DPYD: variants seen among roughly 807,000 people sequenced by gnomAD.
DPYD encodes dihydropyrimidine dehydrogenase [NADP(+)].
DPYD carries 109 observed loss-of-function variants against 116.2 expected under a neutral mutation model. The ratio of observed to expected loss-of-function variants is 0.94; its 90% confidence interval spans 0.80 to 1.10. DPYD has a LOEUF of 1.10. Among genes scored for constraint, DPYD ranks in the 50% least tolerant of loss-of-function variants. The pLI, the probability that DPYD is intolerant of heterozygous loss-of-function variation, is 0.00. For missense variants in DPYD, 1,302 were observed against 1,254.5 expected (o/e 1.04, Z -0.57); for synonymous variants, 440 against 432.0 (o/e 1.02, Z -0.23).
At chr1:97,797,897 A>C (rs1224062162) in intron 3 of DPYD, 1 of 152,080 alleles carries the variant, frequency 6.6e-6, no homozygotes, top group Non-Finnish European at 1.5e-5. Context: ...TCTGATGAGT[A>C]ATATTTTCTT....
At chr1:97,654,481 A>C (rs888797985) in intron 8 of DPYD, among the ~76,000 whole-genome samples, 2 of 152,178 alleles carry the variant, frequency 1.3e-5, no homozygotes, top group African/African-American at 4.8e-5. Flanking sequence ...TAATATTCAT[A>C]AAAGTTCAGG....
chr1:97,549,753 AC>A lies in DPYD; in HGVS notation c.1340-10del. On this transcript the variant is annotated splice_polypyrimidine_tract_variant and intron_variant, in intron 11 of 22. Coordinates refer to ENST00000370192, the MANE Select transcript of DPYD (RefSeq NM_000110.4). ...GCTCAAGGCTTCTTTTACTGAAAAA[AC>A]AAGTGAAAAACAATAGACAATCACT... 6.2e-7 allele frequency: 1 copy of A among 1,612,414 alleles called. No individual in the cohort carries two copies. The highest frequency in any genetic ancestry group is 8.5e-7 in the Non-Finnish European group (1 of 1,178,914).
intron 13 of DPYD, among the ~76,000 whole-genome samples, chr1:97,477,842 G>C (rs558180923): frequency 3.3e-5 from 5 of 151,784 alleles, no homozygotes; most frequent in African/African-American, 1.2e-4. Context: ...GGATGGTCTC[G>C]ATCTCCTGAC....
intron 4 of DPYD, among the ~76,000 whole-genome samples, chr1:97,735,068 G>GA (rs988614615): frequency 1.3e-5 from 2 of 151,650 alleles, no homozygotes; most frequent in Admixed American, 1.3e-4. Context: ...TTGGTGACTC[G>GA]AAAAAAAACA....
At chr1:97,254,223 T>C (rs1465468078) in intron 18 of DPYD, among the ~76,000 whole-genome samples, 1 of 152,148 alleles carries the variant, frequency 6.6e-6, no homozygotes, top group Non-Finnish European at 1.5e-5. Flanking sequence ...CTTCAATAAG[T>C]TGATATTTGT....
At chr1:97,635,067 C>T (rs1168859775) in intron 8 of DPYD, among the ~76,000 whole-genome samples, 2 of 151,798 alleles carry the variant, frequency 1.3e-5, no homozygotes, top group African/African-American at 4.8e-5. Flanking sequence ...CACAGAGGTG[C>T]CATTGAGAGT....
rs545388653 is a variant in DPYD at position 97,376,150 on chromosome 1, G to A, written c.1975-2506C>T. The stretch of plus-strand genomic sequence containing the variant: ...TAAAACTGAGACATAAAGAGTTCAA[G>A]TGATTTATCCAACATCCCACAGCTT... On this transcript the variant is annotated intron_variant, in intron 15 of 22. Transcript: ENST00000370192. Among the ~76,000 whole-genome samples the A allele has an allele frequency of 8.5e-5, 13 of 152,246 alleles. No individual in the cohort carries two copies. The South Asian group carries it at 2.5e-3, about 29-fold the overall frequency.
At chr1:97,870,560 C>A (rs1287227967) in intron 2 of DPYD, among the ~76,000 whole-genome samples, 3 of 151,660 alleles carry the variant, frequency 2.0e-5, no homozygotes, top group East Asian at 1.9e-4. Flanking sequence ...GTAGTACATG[C>A]AATATTAATG....
In DPYD at chr1:97,251,837, T is replaced by A. The variant is rs76607968; in HGVS notation, c.2300-16843A>T. On this transcript the variant is annotated intron_variant, in intron 18 of 22. Coordinates refer to ENST00000370192, the MANE Select transcript of DPYD (RefSeq NM_000110.4). ...TCTATTTAGAAAGGCACAGCTTCAA[T>A]GAACCAAAGAAGCAGTTTGGCCCTT... 7.9e-3 allele frequency among the ~76,000 whole-genome samples: 1,204 copies of A among 152,248 alleles called. 20 individuals carry two copies. Among genetic ancestry groups the A allele is most frequent in the African/African-American group, 0.027 (1,122 of 41,546 alleles).
At chr1:97,202,141 C>T (rs578088242) in intron 19 of DPYD, among the ~76,000 whole-genome samples, 73 of 152,118 alleles carry the variant, frequency 4.8e-4, no homozygotes, top group African/African-American at 1.4e-3. Context: ...CGAATAGCCC[C>T]GGAGATGTTG....
rs933250056 is a variant in DPYD at position 97,144,735 on chromosome 1, G to T, written c.2623-46103C>A. ...TATTCAGAGTCACATGCTGTGCTTTGTGCTTTTGGTTGATCAGAAAAGCAG... is the reference window on the plus strand; with the variant it reads ...TATTCAGAGTCACATGCTGTGCTTTTTGCTTTTGGTTGATCAGAAAAGCAG... On this transcript the variant is annotated intron_variant, in intron 20 of 22. Transcript: ENST00000370192. 1.1e-3 allele frequency among the ~76,000 whole-genome samples: 172 copies of T among 152,236 alleles called. 4 individuals carry two copies. Among genetic ancestry groups the T allele is most frequent in the Non-Finnish European group, 8.8e-5 (6 of 68,022 alleles).
chr1:97,409,675 C>A (rs1673865502), intron 14 of DPYD, among the ~76,000 whole-genome samples: 1 of 152,158 alleles, frequency 6.6e-6, no homozygotes, highest in African/African-American at 2.4e-5. Context: ...TGCATACCCT[C>A]CCACTTGAGA....
intron 13 of DPYD, chr1:97,514,283 T>G (rs1398341662): frequency 1.0e-6 from 1 of 961,460 alleles, no homozygotes; most frequent in Non-Finnish European, 1.2e-6. Context: ...GACTGATGTC[T>G]CTGATTAATC....
intron 20 of DPYD, among the ~76,000 whole-genome samples, chr1:97,143,450 A>T (rs1195708338): frequency 2.0e-5 from 3 of 152,150 alleles, no homozygotes; most frequent in Non-Finnish European, 4.4e-5. Flanking sequence ...GCTGATTGAG[A>T]TATCGAAACC....
At chr1:97,553,846 G>T (rs1651496843) in intron 11 of DPYD, among the ~76,000 whole-genome samples, 1 of 152,018 alleles carries the variant, frequency 6.6e-6, no homozygotes, top group Non-Finnish European at 1.5e-5. Flanking sequence ...ATATTATTCT[G>T]CAATTGGAAG....
chr1:97,110,857 C>G (rs1266013042), intron 20 of DPYD, among the ~76,000 whole-genome samples: 1 of 151,844 alleles, frequency 6.6e-6, no homozygotes, highest in African/African-American at 2.4e-5. Context: ...CTTAGTTGAC[C>G]CTTCTTTCTT....
chr1:97,193,142 T>G lies in DPYD; in HGVS notation c.2549A>C (p.Asp850Ala). 1 of 1,614,056 alleles carries G rather than the reference T, an allele frequency of 6.2e-7. No homozygotes were observed. The highest frequency in any genetic ancestry group is 8.5e-7 in the Non-Finnish European group (1 of 1,179,954). The change falls in exon 20 of 23, where the codon GAT becomes GCT. Residue 850 changes from aspartate to alanine, a missense_variant. Transcript: ENST00000370192. ...LKSIEELQDW[D>A]GQSPATVSHQ... ...ACTCACAGTAGCTGGACTCTGTCCA[T>G]CCCAGTCTTGTAGTTCTTCAATGCT...
chr1:97,656,904 A>G (rs576314647), intron 8 of DPYD, among the ~76,000 whole-genome samples: 104 of 151,924 alleles, frequency 6.8e-4, no homozygotes, highest in African/African-American at 2.4e-3. Flanking sequence ...CAATATTCCA[A>G]GAATGAACTT....
At position 97,583,677 on chromosome 1, in the gene DPYD, G is replaced by A. The variant is rs146050342; in HGVS notation, c.1128+9541C>T. On this transcript the variant is annotated intron_variant, in intron 10 of 22. Transcript: ENST00000370192. ...TTTTTTTTTTTTTTTTAGTTCTCAG[G>A]TATCTTTTAAGAGACTGAAAACTAG... Among the ~76,000 whole-genome samples the A allele has an allele frequency of 5.3e-4, 72 of 136,122 alleles. 2 individuals carry two copies. In the East Asian group the frequency reaches 0.015, roughly 28 times the overall value. The allele number at this position is 136,122 out of a possible 152,430, so 89.3% of individuals were successfully genotyped here.
Sources: allele counts gnomAD v4.1 joint callset (sites outside exome capture counted in the v4.1 genomes callset), GRCh38; gene constraint gnomAD v4.1.1; transcripts MANE v1.5; gene names NCBI Gene and HGNC (gene_info 2026-07-23, HGNC 2026-07-21).